The following MARS1 variants were observed in gnomAD, a reference collection of about 807,000 sequenced individuals.
MARS1 encodes the protein methionine--tRNA ligase, cytoplasmic.
In MARS1, 80 loss-of-function variants were observed where a neutral mutation model predicts 119.5. The observed-to-expected ratio is 0.67, with a 90% CI of 0.56 to 0.81. The LOEUF is 0.81. MARS1 is among the 30% of genes least tolerant of loss of function. The pLI, the probability that MARS1 is intolerant of heterozygous loss-of-function variation, is 0.00. For synonymous variants in MARS1, 418 were observed against 433.4 expected, an observed-to-expected ratio of 0.96 and a Z score of 0.44; for missense variants, 945 against 1,116.5, an observed-to-expected ratio of 0.85 and a Z score of 2.19.
chr12:57,500,318 C>T lies in MARS1; in HGVS notation c.1092-3C>T, dbSNP rs1876860333. 6.2e-7 allele frequency: 1 copy of T among 1,613,936 alleles called. No homozygotes were observed. The highest frequency in any genetic ancestry group is 8.5e-7 in the Non-Finnish European group (1 of 1,179,866). ...CTTCCTGATCCCTGGCCCACCTCACCAGAATCACCCAGGACATTTTCCAGC... is the reference window on the plus strand; with the variant it reads ...CTTCCTGATCCCTGGCCCACCTCACTAGAATCACCCAGGACATTTTCCAGC... On this transcript the variant is annotated splice_polypyrimidine_tract_variant and splice_region_variant and intron_variant, in intron 9 of 20. Transcript: ENST00000262027.
At chr12:57,497,908 G>A (rs999610289) in intron 7 of MARS1, among the ~76,000 whole-genome samples, 3 of 152,124 alleles carry the variant, frequency 2.0e-5, no homozygotes, top group Non-Finnish European at 2.9e-5. Context: ...AGAAATTGGT[G>A]TTGAACAAGG....
intron 10 of MARS1, 46 bp from the exon 11 acceptor site, chr12:57,504,179 C>T: frequency 7.1e-7 from 1 of 1,401,582 alleles, no homozygotes; most frequent in Admixed American, 1.7e-5. Context: ...TGGACCCCTC[C>T]CCTGGCCTGC....
At chr12:57,512,609 G>A in intron 14 of MARS1, 142 bp from the exon 15 acceptor site, 2 of 716,058 alleles carry the variant, frequency 2.8e-6, no homozygotes, top group South Asian at 3.6e-5. Context: ...CCCAAAATCT[G>A]AGCATACCAG....
In MARS1 at chr12:57,498,241, T is replaced by G; in HGVS notation, c.855T>G (p.Ile285Met). The change falls in exon 8 of 21, where the codon ATT (isoleucine) becomes ATG (methionine). Residue 285 changes from isoleucine to methionine, a missense_variant. By Grantham distance (10) the Ile-to-Met change is conservative (BLOSUM62 1). Transcript: ENST00000262027. Reference sequence around the variant, plus strand: ...ATGTCCCCCACCTTGGGAACATCATTGGTTGTGTGCTCAGTGCCGATGTCT... The same window carrying G: ...ATGTCCCCCACCTTGGGAACATCATGGGTTGTGTGCTCAGTGCCGATGTCT... ...VNNVPHLGNI[I>M]GCVLSADVFA... The G allele has an allele frequency of 1.2e-6, 2 of 1,614,128 alleles. No homozygotes were observed. Among genetic ancestry groups the G allele is most frequent in the Non-Finnish European group, 1.7e-6 (2 of 1,180,014 alleles).
rs1327486572 is a variant in MARS1 at position 57,515,056 on chromosome 12, CAGGT to C, written c.2204+4_2204+7del. ...AGCGGATTAAAGGCAGTGAGGCTGA[CAGGT>C]AGGTAAGCGGGGAGGGTTGGCTAAA... On this transcript the variant is annotated splice_donor_variant and coding_sequence_variant, in exon 17 of 21. Transcript: ENST00000262027. LOFTEE classifies it high-confidence loss of function. 8 of 1,614,048 alleles carry C rather than the reference CAGGT, an allele frequency of 5.0e-6. No homozygotes were observed. Among genetic ancestry groups the C allele is most frequent in the Non-Finnish European group, 6.8e-6 (8 of 1,180,030 alleles).
intron 10 of MARS1, among the ~76,000 whole-genome samples, chr12:57,501,242 G>T (rs1876901984): frequency 6.6e-6 from 1 of 152,266 alleles, no homozygotes; most frequent in South Asian, 2.1e-4. Flanking sequence ...CACAGTGAGT[G>T]AGGAGGAGGG....
chr12:57,516,403 C>T lies in MARS1; in HGVS notation c.2557-32C>T, dbSNP rs112196139. 1.7e-4 allele frequency: 276 copies of T among 1,611,698 alleles called. No homozygotes were observed. In the African/African-American group the frequency reaches 3.1e-3, roughly 18 times the overall value. On this transcript the variant is annotated intron_variant, in intron 20 of 20. Coordinates refer to ENST00000262027, the MANE Select transcript of MARS1 (RefSeq NM_004990.4). ...TCCTAAATAGATCTTTTTCTTGCCTCACTGTTACCTCCCCACCCCCCTTTA... is the reference window on the plus strand; with the variant it reads ...TCCTAAATAGATCTTTTTCTTGCCTTACTGTTACCTCCCCACCCCCCTTTA...
Position 57,493,290 on chromosome 12 carries a change from G to C in MARS1, c.770+2646G>C, listed in dbSNP as rs149879673. ...CCATCCTTGTTGTTTTGCTTGTTTT[G>C]AGTATATATATATAATATATATTAT... is the stretch of plus-strand genomic sequence containing the variant. On this transcript the variant is annotated intron_variant, in intron 7 of 20. Coordinates refer to ENST00000262027, the MANE Select transcript of MARS1 (RefSeq NM_004990.4). Among the ~76,000 whole-genome samples the C allele has an allele frequency of 3.2e-4, 34 of 105,466 alleles. 1 individual carries two copies. In the East Asian group the frequency reaches 8.3e-3, roughly 26 times the overall value. The allele number at this position is 105,466 out of a possible 152,430, so 69.2% of individuals were successfully genotyped here.
rs34010387 is a variant in MARS1, at chr12:57,505,164, G to GTT, written c.1368+878_1368+879dup. 4.5e-3 allele frequency among the ~76,000 whole-genome samples: 633 copies of GTT among 140,466 alleles called. 9 individuals carry two copies. Among genetic ancestry groups the GTT allele is most frequent in the Admixed American group, 4.5e-3 (63 of 14,006 alleles). The allele number at this position is 140,466 out of a possible 152,430, so 92.2% of individuals were successfully genotyped here. A position where few individuals can be genotyped will look rare whatever the true frequency, so the allele number is the denominator to read the frequency against. On this transcript the variant is annotated intron_variant, in intron 11 of 20. Coordinates refer to ENST00000262027, the MANE Select transcript of MARS1 (RefSeq NM_004990.4). ...GTGTCCAGCATTGACCTCCTGATTTGTTTTTTTTTTTTTTGAGATGGAGCT... is the reference window on the plus strand; with the variant it reads ...GTGTCCAGCATTGACCTCCTGATTTGTTTTTTTTTTTTTTTTGAGATGGAGCT...
intron 11 of MARS1, among the ~76,000 whole-genome samples, chr12:57,508,068 C>G (rs1003541939): frequency 6.6e-6 from 1 of 152,048 alleles, no homozygotes; most frequent in Non-Finnish European, 1.5e-5. Context: ...CGATGGGCAG[C>G]CGGGCAGAGA....
At chr12:57,495,585 T>G (rs1230347082) in intron 7 of MARS1, among the ~76,000 whole-genome samples, 1 of 148,374 alleles carries the variant, frequency 6.7e-6, no homozygotes, top group Non-Finnish European at 1.5e-5. Flanking sequence ...CGCTCCTCAC[T>G]TCCCAGACGG....
chr12:57,507,639 GCGGCTGGCCGGGCGGGGGTCTGGCCCCC>G (rs1877262661), intron 11 of MARS1, among the ~76,000 whole-genome samples: 3 of 130,370 alleles, frequency 2.3e-5, no homozygotes, highest in African/African-American at 2.7e-5. Flanking sequence ...CCCGGACGGG[GCGGCTGGCCGGGCGGGGGTCTGGCCCCC>G]CACCTCCCTC....
intron 7 of MARS1, among the ~76,000 whole-genome samples, chr12:57,493,948 A>T (rs571304641): frequency 1.2e-3 from 120 of 99,486 alleles, no homozygotes; most frequent in African/African-American, 2.5e-3. Flanking sequence ...TTATATATAT[A>T]TTTTTTAATT....
At chr12:57,488,974 TC>T in intron 1 of MARS1, 44 bp from the exon 2 acceptor site, 1 of 1,410,826 alleles carries the variant, frequency 7.1e-7, no homozygotes, top group Non-Finnish European at 1.0e-6. Flanking sequence ...GTATTTCTTT[TC>T]TTTTCCTTTT....
At position 57,490,358 on chromosome 12, in the gene MARS1, G is replaced by T. The variant is rs901325910; in HGVS notation, c.642G>T (p.Arg214Ser). 6.2e-7 allele frequency: 1 copy of T among 1,612,640 alleles called. No homozygotes were observed. Among genetic ancestry groups the T allele is most frequent in the Non-Finnish European group, 8.5e-7 (1 of 1,180,020 alleles). The part of the protein sequence containing the change: ...KQPQPSPAEG[R>S]AVTNEPEEEE... ...CCCAGCCCAGCCCCGCTGAGGGAAGGGCTGTCACCAATGAGCCTGAGGTTT... is the reference window on the plus strand; with the variant it reads ...CCCAGCCCAGCCCCGCTGAGGGAAGTGCTGTCACCAATGAGCCTGAGGTTT... Residue 214 changes from arginine (R) to serine (S), a missense_variant, in exon 6 of 21, where the codon AGG becomes AGT. By Grantham distance (110) the Arg-to-Ser change is moderately radical. Transcript: ENST00000262027.
chr12:57,500,960 C>T (rs1198005113), intron 10 of MARS1, among the ~76,000 whole-genome samples: 1 of 152,158 alleles, frequency 6.6e-6, no homozygotes, highest in Non-Finnish European at 1.5e-5. Context: ...TTAGTATGGT[C>T]AGGAGACCAA....
At position 57,500,448 on chromosome 12, in the gene MARS1, T is replaced by TTC; in HGVS notation, c.1221_1222dup (p.Cys408SerfsTer89). The stretch of plus-strand genomic sequence containing the variant: ...CCGCTTCGTGGAGGGCGTGTGTCCC[T>TTC]TCTGTGGCTATGAGGAGGCTCGGGG... On this transcript the variant is annotated frameshift_variant, in exon 10 of 21. Transcript: ENST00000262027. LOFTEE classifies it high-confidence loss of function. 5 of 1,614,192 alleles carry TTC rather than the reference T, an allele frequency of 3.1e-6. No individual in the cohort carries two copies. The highest frequency in any genetic ancestry group is 4.2e-6 in the Non-Finnish European group (5 of 1,180,026).
intron 7 of MARS1, among the ~76,000 whole-genome samples, chr12:57,491,167 C>T (rs1875933956): frequency 2.0e-5 from 3 of 152,062 alleles, no homozygotes. Context: ...GCCACTGTGC[C>T]GGCCCTGCAC....
chr12:57,508,221 T>C (rs1054223310), intron 11 of MARS1, among the ~76,000 whole-genome samples: 4 of 151,670 alleles, frequency 2.6e-5, no homozygotes, highest in Non-Finnish European at 4.4e-5. Context: ...AGACGATGGG[T>C]GGCCAGGCAG....
Sources: gnomAD v4.1 joint callset for allele counts (sites outside exome capture counted in the v4.1 genomes callset) on GRCh38, gnomAD v4.1.1 for gene constraint, MANE v1.5 for transcripts, NCBI Gene and HGNC (gene_info 2026-07-23, HGNC 2026-07-21) for gene names.